Variants in ZNF423 observed in about 807,000 individuals in gnomAD.
ZNF423 encodes the protein Ebf-associated zinc finger protein.
ZNF423 carries 12 observed loss-of-function variants against 95.8 expected under a neutral mutation model. The observed-to-expected ratio is 0.13, with a 90% confidence interval of 0.08 to 0.20. The LOEUF (loss-of-function observed/expected upper bound fraction) is 0.20, where lower values mean the gene tolerates loss of function less well. ZNF423 is among the 10% of genes least tolerant of loss of function. The probability of loss-of-function intolerance (pLI) is 1.00; values close to 1 mark genes in which losing one functional copy is unlikely to be tolerated. For missense variants in ZNF423, 1,316 were observed against 1,737.1 expected (o/e 0.76, Z 4.31); for synonymous variants, 749 against 711.9 (o/e 1.05, Z -0.83).
chr16:49,793,326 GC>G (rs1168186744), intron 1 of ZNF423, among the ~76,000 whole-genome samples: 1 of 152,114 alleles, frequency 6.6e-6, no homozygotes, highest in Non-Finnish European at 1.5e-5. Context: ...CAAGCAGCGA[GC>G]CCCCAACATC....
At chr16:49,499,869 G>A (rs921464896) in intron 7 of ZNF423, among the ~76,000 whole-genome samples, 2 of 152,176 alleles carry the variant, frequency 1.3e-5, no homozygotes, top group Non-Finnish European at 2.9e-5. Context: ...GGGAACCGAA[G>A]CCTTCTATTA....
intron 3 of ZNF423, among the ~76,000 whole-genome samples, chr16:49,682,844 C>A (rs1458078311): frequency 6.6e-6 from 1 of 152,216 alleles, no homozygotes; most frequent in Non-Finnish European, 1.5e-5. Context: ...GCAATTCTTA[C>A]ATCTGCACTG....
At position 49,508,149 on chromosome 16, in the gene ZNF423, A is replaced by G. The variant is rs537657203; in HGVS notation, c.3849+15475T>C. ...AGGATCAAATGTTTTTATGCCTACC[A>G]GTGCTAAGAACAATGCCGGGCACTC... is the stretch of plus-strand genomic sequence containing the variant. On this transcript the variant is annotated intron_variant, in intron 7 of 7. Coordinates refer to ENST00000563137, the MANE Select transcript of ZNF423 (RefSeq NM_001379286.1). Among the ~76,000 whole-genome samples the G allele has an allele frequency of 1.8e-4, 27 of 152,278 alleles. No homozygotes were observed. The South Asian group carries it at 5.6e-3, about 32-fold the overall frequency.
Position 49,722,856 on chromosome 16 carries a change from G to A in ZNF423, c.301+7915C>T, listed in dbSNP as rs191699157. Among the ~76,000 whole-genome samples, 17 of 152,094 alleles carry A rather than the reference G, an allele frequency of 1.1e-4. No individual in the cohort carries two copies. In the East Asian group the frequency reaches 2.9e-3, roughly 26 times the overall value. ...AACACAACCTGACCAGTGAGATGGT[G>A]TTGGCAAACTTTTTGATCTGTGCCA... On this transcript the variant is annotated intron_variant, in intron 3 of 7. Transcript: ENST00000563137.
intron 1 of ZNF423, among the ~76,000 whole-genome samples, chr16:49,823,748 C>A (rs1410633213): frequency 6.6e-6 from 1 of 152,094 alleles, no homozygotes; most frequent in Non-Finnish European, 1.5e-5. Context: ...CACACACACA[C>A]ATACACACTT....
intron 1 of ZNF423, among the ~76,000 whole-genome samples, chr16:49,852,610 T>C (rs1484161510): frequency 6.6e-6 from 1 of 151,824 alleles, no homozygotes; most frequent in African/African-American, 2.4e-5. Context: ...CACCACACCA[T>C]ACCACACCAC....
At chr16:49,693,325 A>G (rs556062834) in intron 3 of ZNF423, among the ~76,000 whole-genome samples, 1 of 152,324 alleles carries the variant, frequency 6.6e-6, no homozygotes, top group South Asian at 2.1e-4. Flanking sequence ...TTTACAGATG[A>G]GGAAACTGAG....
At chr16:49,812,551 G>A (rs991798881) in intron 1 of ZNF423, among the ~76,000 whole-genome samples, 7 of 152,282 alleles carry the variant, frequency 4.6e-5, no homozygotes, top group Admixed American at 3.3e-4. Context: ...AAATTAGCCA[G>A]GTGTGGTGGC....
In ZNF423 at chr16:49,638,922, C is replaced by G. The variant is rs115096208; in HGVS notation, c.302-48G>C. 3 of 1,543,824 alleles carry G rather than the reference C, an allele frequency of 1.9e-6. No individual in the cohort carries two copies. The highest frequency in any genetic ancestry group is 1.3e-5 in the South Asian group (1 of 78,764). On this transcript the variant is annotated intron_variant, in intron 3 of 7. Transcript: ENST00000563137. This position sits in a 1 kb window ranked among gnomAD's most constrained non-coding sequence, Gnocchi z 5.6. ...TATTAGAGGCAATTCCCAGGGCTGC[C>G]GAGAAACAAGGACAGAGCCAGCTTC... is the stretch of plus-strand genomic sequence containing the variant.
At chr16:49,493,349 G>A (rs1395758803) in intron 7 of ZNF423, among the ~76,000 whole-genome samples, 2 of 152,120 alleles carry the variant, frequency 1.3e-5, no homozygotes, top group African/African-American at 2.4e-5. Flanking sequence ...ACACAGCCAC[G>A]CACCTCTCAT....
rs143627955 is a variant in ZNF423 at position 49,713,893 on chromosome 16, T to C, written c.301+16878A>G. Among the ~76,000 whole-genome samples the C allele has an allele frequency of 2.8e-3, 425 of 152,244 alleles. 3 individuals carry two copies. The highest frequency in any genetic ancestry group is 9.7e-3 in the African/African-American group (405 of 41,542). ...ATCTTCCAGTAACTCACTCCCCCGC[T>C]GCCAGGGCCCCCATCCCTCCCCTGT... On this transcript the variant is annotated intron_variant, in intron 3 of 7. Coordinates refer to ENST00000563137, the MANE Select transcript of ZNF423 (RefSeq NM_001379286.1).
Position 49,608,014 on chromosome 16 carries a change from A to G in ZNF423, c.3601+18156T>C, listed in dbSNP as rs529479204. ...TGACTGGAGATCATTCTACCACCCC[A>G]TATCTTCAACACTGGATCAGTGATT... On this transcript the variant is annotated intron_variant, in intron 5 of 7. Coordinates refer to ENST00000563137, the MANE Select transcript of ZNF423 (RefSeq NM_001379286.1). Among the ~76,000 whole-genome samples, 4 of 152,212 alleles carry G rather than the reference A, an allele frequency of 2.6e-5. No homozygotes were observed. In the East Asian group the frequency reaches 5.8e-4, roughly 22 times the overall value.
At chr16:49,552,402 G>A (rs545566518) in intron 5 of ZNF423, among the ~76,000 whole-genome samples, 26 of 152,298 alleles carry the variant, frequency 1.7e-4, no homozygotes, top group African/African-American at 6.3e-4. Context: ...TGGGCCAGGA[G>A]CAATTTTCCT....
At chr16:49,616,716 G>A (rs1971887716) in intron 5 of ZNF423, among the ~76,000 whole-genome samples, 1 of 152,146 alleles carries the variant, frequency 6.6e-6, no homozygotes, top group African/African-American at 2.4e-5. Context: ...CTGTCCTCCA[G>A]GCCCAGCCCC....
chr16:49,620,977 G>C (rs1425714789), intron 5 of ZNF423, among the ~76,000 whole-genome samples: 1 of 152,174 alleles, frequency 6.6e-6, no homozygotes, highest in Admixed American at 6.5e-5. Flanking sequence ...AGCCGTGGGG[G>C]ACCAGCTTCC....
In ZNF423 at chr16:49,789,513, G is replaced by C. The variant is rs1458377167; in HGVS notation, c.74C>G (p.Ala25Gly). The C allele has an allele frequency of 6.2e-7, 1 of 1,612,516 alleles. No homozygotes were observed. Among genetic ancestry groups the C allele is most frequent in the Admixed American group, 1.7e-5 (1 of 59,588 alleles). Reference sequence around the variant, plus strand: ...TGCTGCTGTCACGGAGGAATCCCAGGCCAGCGAGAAGTCTGAGGCCTCCCC... The same window carrying C: ...TGCTGCTGTCACGGAGGAATCCCAGCCCAGCGAGAAGTCTGAGGCCTCCCC... ...EEGEASDFSL[A>G]WDSSVTAAGG... Residue 25 changes from alanine to glycine, a missense_variant, in exon 2 of 8, where the codon GCC becomes GGC. By Grantham distance (60) the Ala-to-Gly change is moderately conservative. Around this residue, in one of 6 missense-constraint regions of ZNF423, gnomAD observed 155 missense variants for 170.8 expected, o/e 0.91. Coordinates refer to ENST00000563137, the MANE Select transcript of ZNF423 (RefSeq NM_001379286.1).
rs368675702 is a variant in ZNF423, at chr16:49,726,856, C to CA, written c.301+3914dup. 9.3e-3 allele frequency among the ~76,000 whole-genome samples: 883 copies of CA among 94,714 alleles called. 67 individuals are homozygous for CA. Among genetic ancestry groups the CA allele is most frequent in the African/African-American group, 0.026 (637 of 24,312 alleles). 62.1% of individuals were successfully genotyped at this position (94,714 alleles called of 152,430 possible). A position where few individuals can be genotyped will look rare whatever the true frequency, so the allele number is the denominator to read the frequency against. The stretch of plus-strand genomic sequence containing the variant: ...ATTTAAAAGACAGAGTTCCCCCTAG[C>CA]AAAAAAAAAAAAAAAAAAAAAAAAA... On this transcript the variant is annotated intron_variant, in intron 3 of 7. Coordinates refer to ENST00000563137, the MANE Select transcript of ZNF423 (RefSeq NM_001379286.1).
In ZNF423 at chr16:49,635,733, T is replaced by C; in HGVS notation, c.3443A>G (p.Gln1148Arg). The change falls in exon 4 of 8, where the codon CAG becomes CGG. Residue 1148 changes from glutamine to arginine, a missense_variant. Gln to Arg is a conservative substitution (Grantham distance 43). Around this residue, in one of 6 missense-constraint regions of ZNF423, gnomAD observed 620 missense variants for 775.6 expected, o/e 0.80. Transcript: ENST00000563137. The surrounding 1 kb of genome is among the most constrained non-coding windows in gnomAD (Gnocchi z 4.8). Reference protein sequence around the residue: ...ESAEDLESHMQVDHRDLTPET... With the variant: ...ESAEDLESHMRVDHRDLTPET... ...CGGCGTGAGGTCACGGTGGTCCACC[T>C]GCATGTGGCTCTCCAGGTCTTCGGC... The C allele has an allele frequency of 8.7e-6, 14 of 1,611,786 alleles. No individual in the cohort carries two copies. Among genetic ancestry groups the C allele is most frequent in the Non-Finnish European group, 1.2e-5 (14 of 1,179,438 alleles).
chr16:49,840,270 T>C (rs978414288), intron 1 of ZNF423, among the ~76,000 whole-genome samples: 1 of 152,152 alleles, frequency 6.6e-6, no homozygotes, highest in Non-Finnish European at 1.5e-5. Context: ...TTAAAAAAAA[T>C]TTTAACTCTG....
Sources: allele counts gnomAD v4.1 joint callset (sites outside exome capture counted in the v4.1 genomes callset), GRCh38; gene constraint gnomAD v4.1.1; regional missense constraint gnomAD v4.1.1; non-coding constraint Gnocchi (gnomAD v3.1); transcripts MANE v1.5; gene names NCBI Gene and HGNC (gene_info 2026-07-23, HGNC 2026-07-21).